DSCAML1: variants seen among roughly 807,000 people sequenced by gnomAD.
DSCAML1 encodes the protein DS cell adhesion molecule like 1, also known as cell adhesion molecule DSCAML1.
DSCAML1 carries 38 observed loss-of-function variants against 200.5 expected under a neutral mutation model. The observed-to-expected ratio is 0.19, with a 90% CI of 0.15 to 0.25. The LOEUF (loss-of-function observed/expected upper bound fraction) is 0.25. Ranked by LOEUF, DSCAML1 falls within the 10% of genes least tolerant of loss-of-function variation. The pLI is 1.00. For missense variants in DSCAML1, 2,223 were observed against 2,858.8 expected, an observed-to-expected ratio of 0.78 and a Z score of 5.07; for synonymous variants, 1,215 against 1,165.0, an observed-to-expected ratio of 1.04 and a Z score of -0.87.
chr11:117,734,414 C>T (rs1378596227), intron 3 of DSCAML1, among the ~76,000 whole-genome samples: 2 of 152,172 alleles, frequency 1.3e-5, no homozygotes, highest in Non-Finnish European at 2.9e-5. Context: ...GCTGGCCCCT[C>T]GGGTCCCCAC....
rs115602900 is a variant in DSCAML1, at chr11:117,653,621, G to A, written c.512-121099C>T. Reference sequence around the variant, plus strand: ...CCTGCTGGTGGGAGTGTAAAACGGTGCAGCCGCTTTGGAAAACTGTCTGGC... The same window carrying A: ...CCTGCTGGTGGGAGTGTAAAACGGTACAGCCGCTTTGGAAAACTGTCTGGC... On this transcript the variant is annotated intron_variant, in intron 3 of 32. Transcript: ENST00000651296. Among the ~76,000 whole-genome samples, 406 of 152,276 alleles carry A rather than the reference G, an allele frequency of 2.7e-3. 5 individuals carry two copies. The highest frequency in any genetic ancestry group is 9.2e-3 in the African/African-American group (382 of 41,546).
intron 8 of DSCAML1, among the ~76,000 whole-genome samples, chr11:117,508,329 C>A (rs2049546577): frequency 6.6e-6 from 1 of 152,306 alleles, no homozygotes; most frequent in South Asian, 2.1e-4. Context: ...GTCGGGGTAA[C>A]TGCATTACCC....
intron 3 of DSCAML1, among the ~76,000 whole-genome samples, chr11:117,563,932 G>A (rs138792222): frequency 1.6e-3 from 243 of 152,240 alleles, no homozygotes; most frequent in African/African-American, 5.6e-3. Context: ...CATCTGTGAC[G>A]GGTGCCAGTC....
chr11:117,430,748 A>G lies in DSCAML1; in HGVS notation c.5660T>C (p.Val1887Ala). 6.2e-7 allele frequency: 1 copy of G among 1,613,616 alleles called. No homozygotes were observed. The highest frequency in any genetic ancestry group is 8.5e-7 in the Non-Finnish European group (1 of 1,179,836). ...QDADRGKNVA[V>A]PIPHRANKSD... ...CTTGTTGGCCCGGTGAGGGATGGGC[A>G]CAGCCACGTTTTTGCCCCGGTCCGC... Residue 1887 changes from valine (V) to alanine (A), a missense_variant, in exon 32 of 33, where the codon GTG becomes GCG. This residue lies in a region of DSCAML1 where 96 missense variants were observed against 160.7 expected (regional missense o/e 0.60). Coordinates refer to ENST00000651296, the MANE Select transcript of DSCAML1 (RefSeq NM_020693.4).
At chr11:117,438,112 G>A in intron 24 of DSCAML1, 29 bp from the exon 25 acceptor site, 1 of 1,571,998 alleles carries the variant, frequency 6.4e-7, no homozygotes. Context: ...ATTCAGGTGG[G>A]GGCAGGGCAG....
At chr11:117,575,645 T>C (rs1231628261) in intron 3 of DSCAML1, among the ~76,000 whole-genome samples, 6 of 152,126 alleles carry the variant, frequency 3.9e-5, no homozygotes, top group African/African-American at 9.7e-5. Flanking sequence ...AGCTTTGCTC[T>C]CTACACATAG....
At chr11:117,701,032 G>A (rs1019812648) in intron 3 of DSCAML1, among the ~76,000 whole-genome samples, 1 of 152,224 alleles carries the variant, frequency 6.6e-6, no homozygotes, top group Non-Finnish European at 1.5e-5. Flanking sequence ...TTGGGAGGCT[G>A]AGGCGTGTGG....
chr11:117,466,528 CA>C (rs1403898670), intron 16 of DSCAML1, among the ~76,000 whole-genome samples: 1 of 152,104 alleles, frequency 6.6e-6, no homozygotes, highest in Admixed American at 6.6e-5. Flanking sequence ...GGTGAAACCC[CA>C]TCTCTACTAA....
intron 3 of DSCAML1, among the ~76,000 whole-genome samples, chr11:117,697,108 C>G (rs539626098): frequency 2.3e-4 from 35 of 152,292 alleles, no homozygotes; most frequent in African/African-American, 8.4e-4. Flanking sequence ...AATAAGGGAA[C>G]CATGGCTCAG....
chr11:117,692,261 C>G (rs2053508629), intron 3 of DSCAML1, among the ~76,000 whole-genome samples: 1 of 152,046 alleles, frequency 6.6e-6, no homozygotes, highest in Non-Finnish European at 1.5e-5. Context: ...CTAAATCAGC[C>G]CCTTTTGTCT....
At chr11:117,431,770 G>T (rs1477689193) in intron 30 of DSCAML1, 42 bp from the exon 31 acceptor site, 3 of 1,496,236 alleles carry the variant, frequency 2.0e-6, no homozygotes, top group Non-Finnish European at 2.7e-6. Flanking sequence ...CCAACCAAAG[G>T]CACCCAGGCT....
At chr11:117,655,684 G>A (rs558129221) in intron 3 of DSCAML1, among the ~76,000 whole-genome samples, 24 of 152,296 alleles carry the variant, frequency 1.6e-4, no homozygotes, top group African/African-American at 5.3e-4. Flanking sequence ...CCTAGTGTCC[G>A]TGGAAGTTGG....
In DSCAML1 at chr11:117,508,711, T is replaced by C. The variant is rs117575493; in HGVS notation, c.1784-2979A>G. ...AGCAAGGGGAGGGTGGAGGCAGTGA[T>C]GAGGAGCTGGAGAACAGGATGTATG... On this transcript the variant is annotated intron_variant, in intron 8 of 32. Coordinates refer to ENST00000651296, the MANE Select transcript of DSCAML1 (RefSeq NM_020693.4). Among the ~76,000 whole-genome samples, 105 of 152,036 alleles carry C rather than the reference T, an allele frequency of 6.9e-4. 2 individuals carry two copies. The East Asian group carries it at 0.02, about 28-fold the overall frequency.
chr11:117,439,324 C>T lies in DSCAML1; in HGVS notation c.4086G>A (p.Thr1362=), dbSNP rs768388942. The change falls in exon 23 of 33, where the codon ACG becomes ACA. Residue 1362 remains threonine (T), a synonymous_variant. Transcript: ENST00000651296. ...AVKAEDSGYY[T]CTATNTGGFD... ...AGCCACCAGTGTTGGTGGCCGTGCA[C>T]GTGTAGTAGCCAGAGTCCTCAGCCT... 1.4e-5 allele frequency: 23 copies of T among 1,613,946 alleles called. No individual in the cohort carries two copies. The highest frequency in any genetic ancestry group is 1.3e-4 in the East Asian group (6 of 44,888).
intron 3 of DSCAML1, among the ~76,000 whole-genome samples, chr11:117,748,289 A>G (rs2054549868): frequency 6.6e-6 from 1 of 152,184 alleles, no homozygotes; most frequent in Non-Finnish European, 1.5e-5. Flanking sequence ...GAGGGAATCC[A>G]AGCTGCTGCT....
chr11:117,612,563 A>G (rs1429054134), intron 3 of DSCAML1, among the ~76,000 whole-genome samples: 2 of 152,110 alleles, frequency 1.3e-5, no homozygotes, highest in Non-Finnish European at 2.9e-5. Context: ...AGAGATCAAT[A>G]CTGGTTATAC....
chr11:117,434,593 C>A (rs1226031291), intron 27 of DSCAML1, among the ~76,000 whole-genome samples: 1 of 152,138 alleles, frequency 6.6e-6, no homozygotes, highest in Non-Finnish European at 1.5e-5. Flanking sequence ...ATTCAACAAT[C>A]CATCAATTTA....
At chr11:117,709,596 G>A (rs191510230) in intron 3 of DSCAML1, 51 of 423,870 alleles carry the variant, frequency 1.2e-4, no homozygotes, top group Admixed American at 4.3e-4. Context: ...TTTTTAAATG[G>A]CTATTTATTT....
Position 117,776,550 on chromosome 11 carries a change from C to T in DSCAML1, c.511+241G>A, listed in dbSNP as rs186437481. Among the ~76,000 whole-genome samples, 6 of 152,196 alleles carry T rather than the reference C, an allele frequency of 3.9e-5. No individual in the cohort carries two copies. The East Asian group carries it at 1.2e-3, about 29-fold the overall frequency. ...ACTGCACTTGGTGTCTGATGGGACC[C>T]TCACAGACCCAGTCAAGACCACCAG... On this transcript the variant is annotated intron_variant, in intron 3 of 32. Coordinates refer to ENST00000651296, the MANE Select transcript of DSCAML1 (RefSeq NM_020693.4).
Sources: allele counts gnomAD v4.1 joint callset (sites outside exome capture counted in the v4.1 genomes callset), GRCh38; gene constraint gnomAD v4.1.1; regional missense constraint gnomAD v4.1.1; transcripts MANE v1.5; gene names NCBI Gene and HGNC (gene_info 2026-07-23, HGNC 2026-07-21).